The following DENND6A variants were observed in gnomAD, a reference collection of about 807,000 sequenced individuals.
DENND6A encodes protein DENND6A.
DENND6A carries 43 observed loss-of-function variants against 95.5 expected under a neutral mutation model. That is an observed-to-expected ratio of 0.45 (90% confidence interval 0.35 to 0.58). DENND6A has a LOEUF of 0.58. Among genes scored for constraint, DENND6A ranks in the 20% least tolerant of loss-of-function variants. DENND6A has a pLI of 0.00. For synonymous variants in DENND6A, 257 were observed against 260.4 expected (o/e 0.99, Z 0.13); for missense variants, 574 against 736.0 (o/e 0.78, Z 2.55).
chr3:57,669,069 A>G (rs572738811), intron 3 of DENND6A, among the ~76,000 whole-genome samples: 2 of 152,164 alleles, frequency 1.3e-5, no homozygotes, highest in East Asian at 3.9e-4. Flanking sequence ...ATGGGGTTTC[A>G]CCATGTTGGC....
At chr3:57,643,814 G>A (rs1276134484) in intron 11 of DENND6A, among the ~76,000 whole-genome samples, 3 of 145,620 alleles carry the variant, frequency 2.1e-5, no homozygotes, top group Non-Finnish European at 3.0e-5. Flanking sequence ...GCAACAGAGC[G>A]AGACTCTGTC....
chr3:57,671,517 G>A (rs184523928), intron 3 of DENND6A, among the ~76,000 whole-genome samples: 1 of 150,294 alleles, frequency 6.7e-6, no homozygotes, highest in East Asian at 1.9e-4. Context: ...GTGACAGAGC[G>A]AGACTCCATC....
At chr3:57,655,987 T>C (rs183355651) in intron 9 of DENND6A, among the ~76,000 whole-genome samples, 1 of 152,260 alleles carries the variant, frequency 6.6e-6, no homozygotes, top group East Asian at 1.9e-4. Context: ...CTTCTTAGTA[T>C]ATTTTGCCTG....
At chr3:57,672,070 A>G (rs144679723) in intron 3 of DENND6A, among the ~76,000 whole-genome samples, 186 bp downstream of exon 3, 103 of 152,344 alleles carry the variant, frequency 6.8e-4, no homozygotes, top group Admixed American at 2.4e-3. Context: ...ACACCATAAC[A>G]GTTATTTTAA....
chr3:57,679,550 G>A (rs2077141647), intron 1 of DENND6A: 1 of 985,296 alleles, frequency 1.0e-6, no homozygotes, highest in South Asian at 4.7e-5. Context: ...GAGGCAGTGG[G>A]GAAGGATGGA....
chr3:57,682,014 T>A lies in DENND6A; in HGVS notation c.238-9576A>T, dbSNP rs1048783176. On this transcript the variant is annotated intron_variant, in intron 1 of 19. Coordinates refer to ENST00000311128, the MANE Select transcript of DENND6A (RefSeq NM_152678.3). ...ACCTGAATTTTTAAAAATGGAAACA[T>A]AGACACAATAATTCAAACCATAAAA... 3.3e-5 allele frequency among the ~76,000 whole-genome samples: 5 copies of A among 152,160 alleles called. No individual in the cohort carries two copies. The East Asian group carries it at 9.6e-4, about 29-fold the overall frequency.
chr3:57,660,272 G>A (rs2071398256), intron 7 of DENND6A, among the ~76,000 whole-genome samples: 2 of 150,482 alleles, frequency 1.3e-5, no homozygotes, highest in Non-Finnish European at 2.9e-5. Context: ...CTGGCTCACT[G>A]CAGTCTCAAC....
At chr3:57,656,979 C>G (rs2071339483) in intron 9 of DENND6A, among the ~76,000 whole-genome samples, 1 of 151,922 alleles carries the variant, frequency 6.6e-6, no homozygotes, top group Non-Finnish European at 1.5e-5. Flanking sequence ...AAAAAAGATC[C>G]CACCAAAAAA....
chr3:57,630,566 T>A, intron 17 of DENND6A, 43 bp from the exon 18 acceptor site: 1 of 1,555,152 alleles, frequency 6.4e-7, no homozygotes, highest in Non-Finnish European at 8.7e-7. Context: ...GATTATAACT[T>A]ATTTCCTTTC....
At chr3:57,678,825 A>G (rs2077132517) in intron 1 of DENND6A, among the ~76,000 whole-genome samples, 2 of 152,254 alleles carry the variant, frequency 1.3e-5, no homozygotes, top group Admixed American at 1.3e-4. Context: ...TAAGACATGC[A>G]GGCCAGGTGT....
intron 11 of DENND6A, 99 bp from the exon 12 acceptor site, chr3:57,641,846 C>T (rs1169959988): frequency 2.1e-6 from 2 of 955,332 alleles, no homozygotes; most frequent in Admixed American, 4.9e-5. Flanking sequence ...GAACAATACA[C>T]AGATTGATTT....
Position 57,628,903 on chromosome 3 carries a change from C to T in DENND6A, c.1621-18G>A. The stretch of plus-strand genomic sequence containing the variant: ...AGTAAGTCCTAGAATAAATAAAGTC[C>T]CAAATCAGTAAGTTCTCAAAATAAT... On this transcript the variant is annotated intron_variant, in intron 18 of 19. Coordinates refer to ENST00000311128, the MANE Select transcript of DENND6A (RefSeq NM_152678.3). 1 of 1,600,546 alleles carries T rather than the reference C, an allele frequency of 6.2e-7. No homozygotes were observed. The highest frequency in any genetic ancestry group is 1.1e-5 in the South Asian group (1 of 88,832).
rs1221419963 is a variant in DENND6A at position 57,634,667 on chromosome 3, T to A, written c.1198+37A>T. The A allele has an allele frequency of 2.7e-6, 4 of 1,496,776 alleles. No individual in the cohort carries two copies. In the Admixed American group the frequency reaches 8.9e-5, roughly 33 times the overall value. 92.7% of individuals were successfully genotyped at this position (1,496,776 alleles called of 1,614,324 possible). On this transcript the variant is annotated intron_variant, in intron 13 of 19. Coordinates refer to ENST00000311128, the MANE Select transcript of DENND6A (RefSeq NM_152678.3). ...GGTAAACAAAAAAACCCAAGTACCATATAAATATATATTTAAAAATCAATA... is the reference window on the plus strand; with the variant it reads ...GGTAAACAAAAAAACCCAAGTACCAAATAAATATATATTTAAAAATCAATA...
chr3:57,666,283 T>C (rs1274995089), intron 3 of DENND6A, 48 bp from the exon 4 acceptor site: 8 of 1,402,258 alleles, frequency 5.7e-6, no homozygotes, highest in East Asian at 4.7e-5. Context: ...TAGTATAACA[T>C]TTATCCAGTT....
At position 57,645,667 on chromosome 3, in the gene DENND6A, T is replaced by G. The variant is rs369920181; in HGVS notation, c.1031A>C (p.Gln344Pro). 1.4e-5 allele frequency: 22 copies of G among 1,607,928 alleles called. No individual in the cohort carries two copies. The highest frequency in any genetic ancestry group is 1.8e-5 in the Non-Finnish European group (21 of 1,176,828). The change falls in exon 11 of 20, where the codon CAA (glutamine) becomes CCA (proline). Residue 344 changes from glutamine to proline, a missense_variant. Transcript: ENST00000311128. ...AGAAGTTATTTTTACTTACGGAGCT[T>G]GGGTACGGGTAGTATATTCTTTGAA... ...SEFKEYTTRT[Q>P]APPSVILGVT...
intron 1 of DENND6A, among the ~76,000 whole-genome samples, chr3:57,692,275 A>G (rs1382511024): frequency 6.6e-6 from 1 of 151,852 alleles, no homozygotes; most frequent in Non-Finnish European, 1.5e-5. Flanking sequence ...AAAAGGAGGA[A>G]AGGGAGAAAA....
chr3:57,639,318 T>C (rs2070873681), intron 12 of DENND6A, among the ~76,000 whole-genome samples: 1 of 152,202 alleles, frequency 6.6e-6, no homozygotes, highest in African/African-American at 2.4e-5. Context: ...CTGGTAAGAA[T>C]GTAAACTGAT....
intron 9 of DENND6A, among the ~76,000 whole-genome samples, chr3:57,656,037 C>T (rs921532257): frequency 5.3e-5 from 8 of 152,166 alleles, no homozygotes; most frequent in African/African-American, 1.9e-4. Flanking sequence ...TCTTTTCATC[C>T]TAATAATGCC....
At chr3:57,684,151 CAAA>C (rs35147242) in intron 1 of DENND6A, among the ~76,000 whole-genome samples, 1 of 79,126 alleles carries the variant, frequency 1.3e-5, no homozygotes, top group Middle Eastern at 0.01. Context: ...GACTCCGTCT[CAAA>C]AAAAAAAAAA....
Sources: gnomAD v4.1 joint callset for allele counts (sites outside exome capture counted in the v4.1 genomes callset) on GRCh38, gnomAD v4.1.1 for gene constraint, MANE v1.5 for transcripts, NCBI Gene and HGNC (gene_info 2026-07-23, HGNC 2026-07-21) for gene names.